Variants in PPP1CC observed in about 807,000 individuals in gnomAD.
The protein encoded by PPP1CC is protein phosphatase 1 catalytic subunit gamma.
PPP1CC carries 16 observed loss-of-function variants against 38.4 expected under a neutral mutation model. The observed-to-expected ratio is 0.42, with a 90% CI of 0.28 to 0.63. The LOEUF (loss-of-function observed/expected upper bound fraction) is 0.63. PPP1CC is among the 30% of genes least tolerant of loss of function. PPP1CC has a pLI of 0.25. For missense variants in PPP1CC, 170 were observed against 391.3 expected, an observed-to-expected ratio of 0.43 and a Z score of 4.77; for synonymous variants, 158 against 136.0, an observed-to-expected ratio of 1.16 and a Z score of -1.13.
downstream of PPP1CC, among the ~76,000 whole-genome samples, chr12:110,716,362 T>A (rs975879023): frequency 6.6e-6 from 1 of 152,126 alleles, no homozygotes; most frequent in African/African-American, 2.4e-5. Context: ...TTAACTTTTT[T>A]TTTTTTTTGA....
At chr12:110,735,440 T>A (rs2069932194) in intron 1 of PPP1CC, among the ~76,000 whole-genome samples, 1 of 152,194 alleles carries the variant, frequency 6.6e-6, no homozygotes, top group African/African-American at 2.4e-5. Context: ...CATCTAGTGG[T>A]GCATTCTTAA....
rs572883837 is a variant in PPP1CC at position 110,722,797 on chromosome 12, GAC to G, written c.524-104_524-103del. 90 of 876,452 alleles carry G rather than the reference GAC, an allele frequency of 1.0e-4. No homozygotes were observed. In the African/African-American group the frequency reaches 1.5e-3, roughly 15 times the overall value. 54.3% of individuals were successfully genotyped at this position (876,452 alleles called of 1,614,324 possible). ...GTCTACAGAGAAATTCAATAATCCT[GAC>G]ATAAAAACTGAAATCTATGATTATA... On this transcript the variant is annotated intron_variant, in intron 4 of 6. Transcript: ENST00000335007. This position sits in a 1 kb window ranked among gnomAD's most constrained non-coding sequence, Gnocchi z 5.4.
intron 1 of PPP1CC, among the ~76,000 whole-genome samples, chr12:110,741,448 A>G (rs974794972): frequency 6.6e-6 from 1 of 152,218 alleles, no homozygotes; most frequent in Admixed American, 6.5e-5. Flanking sequence ...GTTAGGGGAT[A>G]TGACTGAATT....
chr12:110,723,952 TCTTCTGCCGGGCGTGGTGG>T (rs2136541911), intron 4 of PPP1CC, among the ~76,000 whole-genome samples: 1 of 152,218 alleles, frequency 6.6e-6, no homozygotes, highest in East Asian at 1.9e-4. Context: ...TTAAAAACAC[TCTTCTGCCGGGCGTGGTGG>T]CTCAAGTCTG....
chr12:110,737,497 A>AAAAAAAAAAAAAGAAAAG (rs2069959460), intron 1 of PPP1CC, among the ~76,000 whole-genome samples: 1 of 147,532 alleles, frequency 6.8e-6, no homozygotes, highest in African/African-American at 2.6e-5. Context: ...AAAAAAAAAA[A>AAAAAAAAAAAAAGAAAAG]AAAAGAAAAG....
intron 1 of PPP1CC, among the ~76,000 whole-genome samples, chr12:110,737,477 CAAAA>C (rs71083137): frequency 0.014 from 601 of 42,482 alleles, 1 homozygote; most frequent in Non-Finnish European, 0.016. Flanking sequence ...AAGAAAGACT[CAAAA>C]AAAAAAAAAA....
At chr12:110,712,110 A>C in the PPP1CC span, among the ~76,000 whole-genome samples, 1 of 152,052 alleles carries the variant, frequency 6.6e-6, no homozygotes, top group Non-Finnish European at 1.5e-5. Flanking sequence ...CCATTGTGTT[A>C]TAATTGCCTA....
chr12:110,740,730 C>T (rs2070008522), intron 1 of PPP1CC, among the ~76,000 whole-genome samples: 1 of 152,184 alleles, frequency 6.6e-6, no homozygotes. Context: ...TGTATCATTA[C>T]TTACCAGGCA....
rs2069744370 is a variant in PPP1CC at position 110,722,008 on chromosome 12, G to GTTAAGGGAAAATAAAAAC, written c.882+109_882+126dup. On this transcript the variant is annotated intron_variant, in intron 6 of 6. Coordinates refer to ENST00000335007, the MANE Select transcript of PPP1CC (RefSeq NM_002710.4). This position sits in a 1 kb window ranked among gnomAD's most constrained non-coding sequence, Gnocchi z 5.4. Reference sequence around the variant, plus strand: ...CATTATTCAACTATAATACACACTGGTTAAGGGAAAATAAAAACTTAGCCT... The same window carrying GTTAAGGGAAAATAAAAAC: ...CATTATTCAACTATAATACACACTGGTTAAGGGAAAATAAAAACTTAAGGGAAAATAAAAACTTAGCCT... The GTTAAGGGAAAATAAAAAC allele has an allele frequency of 8.6e-7, 1 of 1,158,226 alleles. No homozygotes were observed. The highest frequency in any genetic ancestry group is 1.2e-6 in the Non-Finnish European group (1 of 827,672). The allele number at this position is 1,158,226 out of a possible 1,614,324, so 71.7% of individuals were successfully genotyped here.
rs113268153 is a variant in PPP1CC at position 110,738,056 on chromosome 12, T to TC, written c.55+4596dup. Among the ~76,000 whole-genome samples, 222 of 152,346 alleles carry TC rather than the reference T, an allele frequency of 1.5e-3. 1 individual carries two copies. The highest frequency in any genetic ancestry group is 5.0e-3 in the African/African-American group (209 of 41,574). ...GCCAATCCATTAAAAACTTTAATTT[T>TC]CACAGTCTAAGAACACATTTCGGTA... On this transcript the variant is annotated intron_variant, in intron 1 of 6. Transcript: ENST00000335007.
In PPP1CC at chr12:110,742,807, G is replaced by GGCGGTGGCA. The variant is rs2070035237; in HGVS notation, c.-109_-101dup. On this transcript the variant is annotated 5_prime_UTR_variant, in exon 1 of 7. Coordinates refer to ENST00000335007, the MANE Select transcript of PPP1CC (RefSeq NM_002710.4). ...CGCCACGAGCAGAGGCGGTGGTGGCGGCGGTGGCAGCAGCCGCGGCGGGTC... is the reference window on the plus strand; with the variant it reads ...CGCCACGAGCAGAGGCGGTGGTGGCGGCGGTGGCAGCGGTGGCAGCAGCCGCGGCGGGTC... 3.9e-6 allele frequency: 4 copies of GGCGGTGGCA among 1,025,774 alleles called. No individual in the cohort carries two copies. In the South Asian group the frequency reaches 1.5e-4, roughly 38 times the overall value. The allele number at this position is 1,025,774 out of a possible 1,614,324, so 63.5% of individuals were successfully genotyped here. A position where few individuals can be genotyped will look rare whatever the true frequency, so the allele number is the denominator to read the frequency against.
Position 110,742,623 on chromosome 12 carries a change from C to T in PPP1CC, c.55+30G>A. On this transcript the variant is annotated intron_variant, in intron 1 of 6. Coordinates refer to ENST00000335007, the MANE Select transcript of PPP1CC (RefSeq NM_002710.4). ...CCGCCTGCCGCCCTCAGGCCCGCCT[C>T]CCCCTTCAGCCGCCCGCCGCCCCCC... 4 of 1,410,756 alleles carry T rather than the reference C, an allele frequency of 2.8e-6. No homozygotes were observed. In the Middle Eastern group the frequency reaches 5.7e-4, roughly 202 times the overall value. 87.4% of individuals were successfully genotyped at this position (1,410,756 alleles called of 1,614,324 possible).
At position 110,731,956 on chromosome 12, in the gene PPP1CC, C is replaced by T. The variant is rs774745785; in HGVS notation, c.56-55G>A. On this transcript the variant is annotated intron_variant, in intron 1 of 6. Coordinates refer to ENST00000335007, the MANE Select transcript of PPP1CC (RefSeq NM_002710.4). ...TGAAGCCAAAATACAAAATACAATA[C>T]GAGATTTAGATAAAGGGGCAAAAAC... 3,937 of 1,580,024 alleles carry T rather than the reference C, an allele frequency of 2.5e-3. 10 individuals are homozygous for T. Among genetic ancestry groups the T allele is most frequent in the Non-Finnish European group, 3.1e-3 (3,617 of 1,157,002 alleles).
chr12:110,717,710 T>C (rs767488042), downstream of PPP1CC, among the ~76,000 whole-genome samples: 1 of 152,172 alleles, frequency 6.6e-6, no homozygotes, highest in African/African-American at 2.4e-5. Flanking sequence ...ACCCACTTTC[T>C]GGAAGTTTTC....
chr12:110,735,510 G>A (rs1267477465), intron 1 of PPP1CC, among the ~76,000 whole-genome samples: 5 of 152,166 alleles, frequency 3.3e-5, no homozygotes, highest in Non-Finnish European at 7.3e-5. Flanking sequence ...GGTTGGGCAC[G>A]GTGGCTCATG....
intron 3 of PPP1CC, among the ~76,000 whole-genome samples, chr12:110,730,085 A>C (rs1266451333): frequency 6.6e-6 from 1 of 152,278 alleles, no homozygotes; most frequent in Non-Finnish European, 1.5e-5. Flanking sequence ...CTGGCTGGGC[A>C]TCATGGCTCA....
At chr12:110,733,099 CGTAA>C (rs898005439) in intron 1 of PPP1CC, 41 of 152,188 alleles carry the variant, frequency 2.7e-4, no homozygotes, top group African/African-American at 8.7e-4. Flanking sequence ...ATGTTTTTTT[CGTAA>C]GTAATTTTTT....
At chr12:110,724,154 C>A (rs886811414) in intron 4 of PPP1CC, among the ~76,000 whole-genome samples, 9 of 152,060 alleles carry the variant, frequency 5.9e-5, no homozygotes, top group Admixed American at 5.9e-4. Context: ...AGGAGAATGG[C>A]GTGAACCTGG....
At chr12:110,729,095 C>T (rs752900680) in intron 3 of PPP1CC, among the ~76,000 whole-genome samples, 2 of 152,026 alleles carry the variant, frequency 1.3e-5, no homozygotes, top group East Asian at 1.9e-4. Context: ...ACCTGAAACC[C>T]GTCCTGGCAG....
Sources: allele counts gnomAD v4.1 joint callset (sites outside exome capture counted in the v4.1 genomes callset), GRCh38; gene constraint gnomAD v4.1.1; non-coding constraint Gnocchi (gnomAD v3.1); transcripts MANE v1.5; gene names NCBI Gene and HGNC (gene_info 2026-07-23, HGNC 2026-07-21).